Variants in TESK2 observed in about 807,000 individuals in gnomAD.
The protein encoded by TESK2 is dual specificity testis-specific protein kinase 2.
TESK2 carries 39 observed loss-of-function variants against 57.1 expected under a neutral mutation model. The ratio of observed to expected loss-of-function variants is 0.68; its 90% CI spans 0.53 to 0.89. TESK2 has a LOEUF of 0.89. Among genes scored for constraint, TESK2 ranks in the 40% least tolerant of loss-of-function variants. The pLI is 0.00. For missense variants in TESK2, 646 were observed against 732.1 expected (o/e 0.88, Z 1.36); for synonymous variants, 249 against 267.9 (o/e 0.93, Z 0.69).
intron 1 of TESK2, among the ~76,000 whole-genome samples, chr1:45,464,071 T>C (rs991969068): frequency 2.0e-5 from 3 of 152,186 alleles, no homozygotes; most frequent in Non-Finnish European, 4.4e-5. Flanking sequence ...CTGTGAAGAG[T>C]GTCACTGGTA....
In TESK2 at chr1:45,435,562, A is replaced by ATTT. The variant is rs750074178; in HGVS notation, c.223-13719_223-13717dup. ...TATAGGTGTAAGCCACTGTGGTCTA[A>ATTT]TTTTTTTTTTTTTTTTTTTTTTTTT... On this transcript the variant is annotated intron_variant, in intron 2 of 10. Coordinates refer to ENST00000372086, the MANE Select transcript of TESK2 (RefSeq NM_007170.3). 5.7e-4 allele frequency among the ~76,000 whole-genome samples: 39 copies of ATTT among 68,886 alleles called. 3 individuals carry two copies. The highest frequency in any genetic ancestry group is 1.8e-3 in the African/African-American group (25 of 14,270). The allele number at this position is 68,886 out of a possible 152,430, so 45.2% of individuals were successfully genotyped here.
At chr1:45,431,296 T>C (rs1381900110) in intron 2 of TESK2, among the ~76,000 whole-genome samples, 1 of 152,142 alleles carries the variant, frequency 6.6e-6, no homozygotes, top group African/African-American at 2.4e-5. Context: ...CACGTGCCTG[T>C]AGTCCCAGCT....
At chr1:45,486,191 C>T (rs1312193318) in intron 1 of TESK2, among the ~76,000 whole-genome samples, 4 of 152,106 alleles carry the variant, frequency 2.6e-5, no homozygotes, top group Non-Finnish European at 5.9e-5. Flanking sequence ...ATTGTTGGGT[C>T]AAAACATTCA....
chr1:45,477,333 T>C (rs1449776222), intron 1 of TESK2, among the ~76,000 whole-genome samples: 1 of 152,172 alleles, frequency 6.6e-6, no homozygotes, highest in Non-Finnish European at 1.5e-5. Context: ...AACTTTCTGA[T>C]AGAGGTTTGC....
Position 45,457,603 on chromosome 1 carries a change from A to T in TESK2, c.183T>A (p.Cys61Ter). 6.2e-7 allele frequency: 1 copy of T among 1,614,088 alleles called. No individual in the cohort carries two copies. The highest frequency in any genetic ancestry group is 1.6e-4 in the Middle Eastern group (1 of 6,062). ...AAAAGAAGCCAGACCCTATTTTTTC[A>T]CAGGTGAAATCATCCAAACGCGTCA... is the stretch of plus-strand genomic sequence containing the variant. ...SRLTRLDDFTCEKIGSGFFSE... is the reference protein window; with the variant it reads ...SRLTRLDDFT Residue 61 changes from cysteine to a stop codon, truncating the protein, a stop_gained, in exon 2 of 11, where the codon TGT (cysteine) becomes TGA (stop). Transcript: ENST00000372086. LOFTEE classifies it high-confidence loss of function.
chr1:45,403,233 G>GA (rs11424640), intron 3 of TESK2, among the ~76,000 whole-genome samples: 36,606 of 127,850 alleles, frequency 0.29, 4,933 homozygotes, highest in East Asian at 0.41. Flanking sequence ...GCCGTGATGG[G>GA]AAAAAAAAAA....
chr1:45,381,085 G>C (rs1245547364), intron 4 of TESK2, among the ~76,000 whole-genome samples: 2 of 152,192 alleles, frequency 1.3e-5, no homozygotes, highest in Non-Finnish European at 2.9e-5. Context: ...TAAGATTATA[G>C]CATTGTGAGA....
intron 3 of TESK2, among the ~76,000 whole-genome samples, chr1:45,387,476 A>G (rs1288346722): frequency 6.6e-6 from 1 of 152,036 alleles, no homozygotes; most frequent in Non-Finnish European, 1.5e-5. Flanking sequence ...TCTAGTTTAG[A>G]AGAGCAAAGG....
chr1:45,350,652 T>C (rs1253891334), intron 5 of TESK2, among the ~76,000 whole-genome samples: 1 of 152,226 alleles, frequency 6.6e-6, no homozygotes, highest in East Asian at 1.9e-4. Flanking sequence ...TTATCTGTTT[T>C]GGTGTGATGT....
intron 1 of TESK2, among the ~76,000 whole-genome samples, chr1:45,475,463 T>C (rs1009314602): frequency 1.8e-4 from 27 of 152,160 alleles, no homozygotes; most frequent in South Asian, 1.0e-3. Context: ...TGCCTCAGCC[T>C]CCGAAAGTGC....
chr1:45,456,964 T>A (rs1652133841), intron 2 of TESK2, among the ~76,000 whole-genome samples: 1 of 151,714 alleles, frequency 6.6e-6, no homozygotes, highest in Non-Finnish European at 1.5e-5. Flanking sequence ...CTTGAGGGAG[T>A]GAGTGAAACA....
intron 3 of TESK2, among the ~76,000 whole-genome samples, chr1:45,417,033 A>C (rs1169367517): frequency 6.6e-6 from 1 of 151,286 alleles, no homozygotes; most frequent in Non-Finnish European, 1.5e-5. Flanking sequence ...TGATCCACCC[A>C]CCTCAGCCTC....
rs78084037 is a variant in TESK2, at chr1:45,362,927, T to C, written c.394-7478A>G. Among the ~76,000 whole-genome samples the C allele has an allele frequency of 7.9e-5, 12 of 151,966 alleles. 1 individual carries two copies. The East Asian group carries it at 2.3e-3, about 29-fold the overall frequency. ...CACAGGAGAATAACATGATCAGATATGCTACATAGAAATATTCTAACAGTA... is the reference window on the plus strand; with the variant it reads ...CACAGGAGAATAACATGATCAGATACGCTACATAGAAATATTCTAACAGTA... On this transcript the variant is annotated intron_variant, in intron 4 of 10. Transcript: ENST00000372086.
intron 1 of TESK2, among the ~76,000 whole-genome samples, chr1:45,477,204 G>C (rs767861469): frequency 6.6e-6 from 1 of 151,660 alleles, no homozygotes; most frequent in Non-Finnish European, 1.5e-5. Flanking sequence ...CTGCACTCCA[G>C]CCTGGGTGAC....
At chr1:45,483,692 G>T (rs574259795) in intron 1 of TESK2, among the ~76,000 whole-genome samples, 4 of 152,062 alleles carry the variant, frequency 2.6e-5, no homozygotes, top group Non-Finnish European at 4.4e-5. Flanking sequence ...GGCGGCGGAG[G>T]GGGGGTCAAA....
At chr1:45,453,433 C>T (rs977082998) in intron 2 of TESK2, among the ~76,000 whole-genome samples, 11 of 150,804 alleles carry the variant, frequency 7.3e-5, no homozygotes, top group Non-Finnish European at 1.5e-4. Context: ...CAAAACCATT[C>T]AATGGGGAAA....
At chr1:45,451,142 T>C (rs1454603503) in intron 2 of TESK2, among the ~76,000 whole-genome samples, 1 of 152,222 alleles carries the variant, frequency 6.6e-6, no homozygotes, top group Non-Finnish European at 1.5e-5. Flanking sequence ...GCCTTACAGC[T>C]GGACTTTAGT....
intron 3 of TESK2, 85 bp from the exon 4 acceptor site, chr1:45,386,045 A>T: frequency 9.7e-7 from 1 of 1,031,696 alleles, no homozygotes; most frequent in Non-Finnish European, 1.5e-6. Flanking sequence ...TTACCCATGC[A>T]TTAGAAACAA....
At chr1:45,449,083 C>T (rs1237921704) in intron 2 of TESK2, among the ~76,000 whole-genome samples, 4 of 151,682 alleles carry the variant, frequency 2.6e-5, no homozygotes, top group Admixed American at 1.3e-4. Context: ...ATTAGCTGGG[C>T]GTGGTAGTGG....
Sources: gnomAD v4.1 joint callset for allele counts (sites outside exome capture counted in the v4.1 genomes callset) on GRCh38, gnomAD v4.1.1 for gene constraint, MANE v1.5 for transcripts, NCBI Gene and HGNC (gene_info 2026-07-23, HGNC 2026-07-21) for gene names.